KMT2C: variants seen among roughly 807,000 people sequenced by gnomAD.
KMT2C encodes the protein histone-lysine N-methyltransferase 2C.
KMT2C carries 88 observed loss-of-function variants against 507.9 expected under a neutral mutation model. The ratio of observed to expected loss-of-function variants is 0.17; its 90% CI spans 0.15 to 0.21. The LOEUF (loss-of-function observed/expected upper bound fraction) is 0.21. Among genes scored for constraint, KMT2C ranks in the 10% least tolerant of loss-of-function variants. The pLI, the probability that KMT2C is intolerant of heterozygous loss-of-function variation, is 1.00. For missense variants in KMT2C, 4,954 were observed against 5,957.8 expected (o/e 0.83, Z 5.55); for synonymous variants, 2,049 against 2,080.8 (o/e 0.98, Z 0.42).
intron 7 of KMT2C, among the ~76,000 whole-genome samples, chr7:152,268,954 G>A (rs1184864247): frequency 6.6e-6 from 1 of 151,966 alleles, no homozygotes; most frequent in Admixed American, 6.6e-5. Context: ...AATCTTAACA[G>A]GAGAAAAAGT....
chr7:152,171,233 T>C, intron 40 of KMT2C, 31 bp downstream of exon 40: 1 of 1,481,056 alleles, frequency 6.8e-7, no homozygotes, highest in Non-Finnish European at 9.3e-7. Context: ...AAAGCGTGCA[T>C]TCTAGAGGGA....
Position 152,136,679 on chromosome 7 carries a change from T to TA in KMT2C, c.*152dup. 1.6e-6 allele frequency: 1 copy of TA among 631,828 alleles called. No individual in the cohort carries two copies. Among genetic ancestry groups the TA allele is most frequent in the Non-Finnish European group, 2.8e-6 (1 of 355,186 alleles). The allele number at this position is 631,828 out of a possible 1,614,324, so 39.1% of individuals were successfully genotyped here. The stretch of plus-strand genomic sequence containing the variant: ...GCTTCCTCCTGGCGCTGCTTTAACC[T>TA]AAAGGACTGAGGAAATCAGAACTCC... On this transcript the variant is annotated 3_prime_UTR_variant, in exon 59 of 59. Transcript: ENST00000262189.
At position 152,176,581 on chromosome 7, in the gene KMT2C, T is replaced by C. The variant is rs2129113290; in HGVS notation, c.8872A>G (p.Ile2958Val). 2 of 1,614,152 alleles carry C rather than the reference T, an allele frequency of 1.2e-6. No homozygotes were observed. Among genetic ancestry groups the C allele is most frequent in the Non-Finnish European group, 1.7e-6 (2 of 1,180,024 alleles). ...TCCAAAACACGGCCAGGCGGTGCTA[T>C]GAAAGGAGGCAAACTTGACACATGA... is the stretch of plus-strand genomic sequence containing the variant. ...SNHVSSLPPFIAPPGRVLDNA... is the reference protein window; with the variant it reads ...SNHVSSLPPFVAPPGRVLDNA... The change falls in exon 38 of 59, where the codon ATA becomes GTA. Residue 2958 changes from isoleucine (I) to valine (V), a missense_variant. Coordinates refer to ENST00000262189, the MANE Select transcript of KMT2C (RefSeq NM_170606.3).
intron 14 of KMT2C, among the ~76,000 whole-genome samples, chr7:152,244,690 T>C (rs1255840089): frequency 3.9e-5 from 6 of 152,312 alleles, no homozygotes; most frequent in Non-Finnish European, 7.3e-5. Flanking sequence ...GTCTAATTTT[T>C]CCTCATCTTT....
intron 52 of KMT2C, among the ~76,000 whole-genome samples, chr7:152,147,390 A>G (rs1369887073): frequency 6.6e-6 from 1 of 152,112 alleles, no homozygotes; most frequent in Admixed American, 6.5e-5. Flanking sequence ...ACTTTAAGAA[A>G]AAGGGGGTCC....
intron 34 of KMT2C, among the ~76,000 whole-genome samples, chr7:152,184,915 C>A (rs2093575260): frequency 6.6e-6 from 1 of 152,166 alleles, no homozygotes; most frequent in Admixed American, 6.5e-5. Flanking sequence ...CCATCATACC[C>A]AGCTAATTTT....
rs1234573852 is a variant in KMT2C, at chr7:152,235,832, A to T, written c.2754T>A (p.Ala918=). 1.2e-6 allele frequency: 2 copies of T among 1,603,588 alleles called. No individual in the cohort carries two copies. The highest frequency in any genetic ancestry group is 2.7e-5 in the African/African-American group (2 of 74,750). Residue 918 remains alanine, a synonymous_variant, in exon 16 of 59, where the codon GCT becomes GCA. Coordinates refer to ENST00000262189, the MANE Select transcript of KMT2C (RefSeq NM_170606.3). ...CAAGCCTCACCCCAGGTAATACAAC[A>T]GCTCCGATTCCACTTTTCAGCTTTG... The part of the protein sequence containing the change: ...GRSKLKSGIG[A]VVLPGVSTAD...
intron 1 of KMT2C, among the ~76,000 whole-genome samples, chr7:152,373,336 A>G (rs1186290054): frequency 6.6e-6 from 1 of 152,238 alleles, no homozygotes; most frequent in Non-Finnish European, 1.5e-5. Context: ...ACAGCACCAG[A>G]TGAAACATAA....
intron 1 of KMT2C, among the ~76,000 whole-genome samples, chr7:152,362,104 A>T (rs2097202000): frequency 6.6e-6 from 1 of 152,250 alleles, no homozygotes; most frequent in South Asian, 2.1e-4. Context: ...TACACATACA[A>T]CATCCAACAA....
At chr7:152,364,400 G>A (rs534480232) in intron 1 of KMT2C, among the ~76,000 whole-genome samples, 3 of 152,254 alleles carry the variant, frequency 2.0e-5, no homozygotes, top group East Asian at 3.9e-4. Flanking sequence ...AAGGTCAGGA[G>A]ATCGAGACCA....
intron 6 of KMT2C, among the ~76,000 whole-genome samples, chr7:152,281,621 A>T (rs2129181632): frequency 6.6e-6 from 1 of 152,328 alleles, no homozygotes; most frequent in South Asian, 2.1e-4. Flanking sequence ...AATCCCAGCT[A>T]CTTGGAAGGC....
At chr7:152,266,540 C>CA (rs1348936399) in intron 7 of KMT2C, among the ~76,000 whole-genome samples, 17 of 152,130 alleles carry the variant, frequency 1.1e-4, no homozygotes, top group Admixed American at 2.0e-4. Flanking sequence ...CTACCACACT[C>CA]AGCCTTTTTT....
intron 52 of KMT2C, among the ~76,000 whole-genome samples, chr7:152,147,729 GAAAA>G (rs1022769998): frequency 1.7e-5 from 2 of 114,702 alleles, no homozygotes; most frequent in Non-Finnish European, 3.4e-5. Context: ...AAAAAAAAAA[GAAAA>G]AGAAAAAGAA....
intron 55 of KMT2C, among the ~76,000 whole-genome samples, chr7:152,143,120 GA>G (rs960208086): frequency 3.7e-4 from 56 of 152,316 alleles, no homozygotes; most frequent in African/African-American, 1.3e-3. Flanking sequence ...TATTTAAAAT[GA>G]AAAGTAATTG....
chr7:152,170,867 T>C (rs2092932285), intron 40 of KMT2C, among the ~76,000 whole-genome samples: 1 of 152,146 alleles, frequency 6.6e-6, no homozygotes, highest in African/African-American at 2.4e-5. Context: ...ATGCAGGACA[T>C]GAAAATGTCC....
intron 1 of KMT2C, among the ~76,000 whole-genome samples, chr7:152,433,517 A>C (rs553522607): frequency 2.0e-5 from 3 of 152,096 alleles, no homozygotes; most frequent in Admixed American, 6.6e-5. Flanking sequence ...ACACAATTTC[A>C]AAAAAAACGC....
At chr7:152,229,161 A>ATG (rs1466279359) in intron 18 of KMT2C, among the ~76,000 whole-genome samples, 1 of 152,206 alleles carries the variant, frequency 6.6e-6, no homozygotes, top group Non-Finnish European at 1.5e-5. Context: ...GTTAGTATTT[A>ATG]TATTACATGG....
intron 14 of KMT2C, among the ~76,000 whole-genome samples, chr7:152,247,603 G>A (rs1366861404): frequency 1.3e-5 from 2 of 152,292 alleles, no homozygotes; most frequent in African/African-American, 4.8e-5. Context: ...TATATTTACT[G>A]CAGCACAGAA....
chr7:152,334,712 C>A (rs192153385), intron 2 of KMT2C, among the ~76,000 whole-genome samples: 398 of 152,198 alleles, frequency 2.6e-3, no homozygotes, highest in Non-Finnish European at 3.1e-3. Context: ...ATGACAGCAA[C>A]CCAGTCGCAA....
Sources: allele counts gnomAD v4.1 joint callset (sites outside exome capture counted in the v4.1 genomes callset), GRCh38; gene constraint gnomAD v4.1.1; transcripts MANE v1.5; gene names NCBI Gene and HGNC (gene_info 2026-07-23, HGNC 2026-07-21).